LDLRAD4: variants seen among roughly 807,000 people sequenced by gnomAD.
The protein encoded by LDLRAD4 is low-density lipoprotein receptor class A domain-containing protein 4.
A neutral mutation model predicts 17.0 loss-of-function variants in LDLRAD4; 5 were observed. The observed-to-expected ratio is 0.29, with a 90% CI of 0.15 to 0.62. The LOEUF is 0.62. LDLRAD4 is among the 20% of genes least tolerant of loss of function. The pLI is 0.84. For synonymous variants in LDLRAD4, 168 were observed against 171.8 expected (o/e 0.98, Z 0.17); for missense variants, 340 against 424.7 (o/e 0.80, Z 1.75).
In LDLRAD4 at chr18:13,229,540, A is replaced by G. The variant is rs79828554; in HGVS notation, c.-467+10552A>G. 1.8e-3 allele frequency among the ~76,000 whole-genome samples: 268 copies of G among 152,248 alleles called. 7 individuals are homozygous for G. The East Asian group carries it at 0.044, about 25-fold the overall frequency. On this transcript the variant is annotated intron_variant, in intron 1 of 5. Transcript: ENST00000399848. The stretch of plus-strand genomic sequence containing the variant: ...CCCAGTTCCCGCCTTTTGGAGACAT[A>G]GAGACCAAGGAGAAGATAGAATATG...
intron 3 of LDLRAD4, among the ~76,000 whole-genome samples, chr18:13,447,759 G>C (rs961911667): frequency 6.6e-6 from 1 of 152,250 alleles, no homozygotes; most frequent in Non-Finnish European, 1.5e-5. Flanking sequence ...ATGGGAGAAG[G>C]GGGAGGGAAA....
intron 1 of LDLRAD4, among the ~76,000 whole-genome samples, chr18:13,353,124 C>T (rs2083140188): frequency 1.3e-5 from 2 of 151,990 alleles, no homozygotes; most frequent in Non-Finnish European, 1.5e-5. Flanking sequence ...GGATAGTTTC[C>T]ACTGCTTTAT....
chr18:13,263,106 A>G (rs1282163744), intron 1 of LDLRAD4, among the ~76,000 whole-genome samples: 1 of 100,840 alleles, frequency 9.9e-6, no homozygotes, highest in Non-Finnish European at 1.9e-5. Flanking sequence ...GTTTGCGTGG[A>G]AACTGAGTCC....
At chr18:13,501,550 G>A (rs1487489111) in intron 3 of LDLRAD4, among the ~76,000 whole-genome samples, 1 of 150,986 alleles carries the variant, frequency 6.6e-6, no homozygotes, top group African/African-American at 2.4e-5. Flanking sequence ...TCCCTCCTCC[G>A]GAGGTTGGCA....
chr18:13,225,119 A>G (rs1273136412), intron 1 of LDLRAD4, among the ~76,000 whole-genome samples: 2 of 152,208 alleles, frequency 1.3e-5, no homozygotes, highest in Non-Finnish European at 2.9e-5. Context: ...TACAGGTGTG[A>G]GCCACTGCGC....
chr18:13,626,000 C>CA, intron 4 of LDLRAD4, among the ~76,000 whole-genome samples: 1 of 151,776 alleles, frequency 6.6e-6, no homozygotes, highest in East Asian at 1.9e-4. Flanking sequence ...ATGCGGTAGA[C>CA]ACTGTGTGTC....
intron 1 of LDLRAD4, among the ~76,000 whole-genome samples, chr18:13,232,720 G>A (rs1567913634): frequency 2.6e-5 from 4 of 152,192 alleles, no homozygotes; most frequent in Non-Finnish European, 4.4e-5. Flanking sequence ...AGTGGAAGCC[G>A]TGTGCGCCGT....
rs1285548542 is a variant in LDLRAD4 at position 13,440,177 on chromosome 18, C to T, written c.181+1793C>T. Among the ~76,000 whole-genome samples the T allele has an allele frequency of 2.6e-5, 4 of 152,144 alleles. No homozygotes were observed. Among genetic ancestry groups the T allele is most frequent in the East Asian group, 1.9e-4 (1 of 5,186 alleles). On this transcript the variant is annotated intron_variant, in intron 3 of 5. Coordinates refer to ENST00000359446, the Ensembl canonical transcript of LDLRAD4. The surrounding 1 kb of genome is among the most constrained non-coding windows in gnomAD (Gnocchi z 4.4). ...TGGAGCCCCGGCCTCTGCTCTGGGG[C>T]GCTCCACAGGCCTCTTCTGGTCTGC...
chr18:13,480,412 G>A (rs1168087379), intron 3 of LDLRAD4, among the ~76,000 whole-genome samples: 1 of 152,180 alleles, frequency 6.6e-6, no homozygotes, highest in Non-Finnish European at 1.5e-5. Context: ...GTAGCGGGGA[G>A]GGAGGGACGA....
intron 2 of LDLRAD4, among the ~76,000 whole-genome samples, chr18:13,393,522 G>A (rs2086432870): frequency 6.6e-6 from 1 of 152,188 alleles, no homozygotes; most frequent in Non-Finnish European, 1.5e-5. Flanking sequence ...TGTCCCACCT[G>A]CGCCAATGCA....
chr18:13,236,107 G>A (rs1471457769), intron 1 of LDLRAD4, among the ~76,000 whole-genome samples: 6 of 152,124 alleles, frequency 3.9e-5, no homozygotes, highest in Non-Finnish European at 7.3e-5. Context: ...TTTTGGAAGC[G>A]CGGTGGAGTT....
chr18:13,234,740 G>A (rs1035724132), intron 1 of LDLRAD4, among the ~76,000 whole-genome samples: 6 of 152,058 alleles, frequency 3.9e-5, no homozygotes, highest in African/African-American at 1.4e-4. Flanking sequence ...CATGAGCCCC[G>A]CCCCACCCCA....
chr18:13,330,405 G>T (rs2081791730), intron 1 of LDLRAD4, among the ~76,000 whole-genome samples: 1 of 152,126 alleles, frequency 6.6e-6, no homozygotes, highest in African/African-American at 2.4e-5. Flanking sequence ...CATCTTCAGG[G>T]TGTTGAGTCT....
chr18:13,246,428 C>T (rs1242319046), intron 1 of LDLRAD4, among the ~76,000 whole-genome samples: 1 of 152,254 alleles, frequency 6.6e-6, no homozygotes, highest in African/African-American at 2.4e-5. Flanking sequence ...GTCTAAATCA[C>T]TCACAGAAAT....
intron 1 of LDLRAD4, among the ~76,000 whole-genome samples, chr18:13,263,156 CTG>C (rs72153891): frequency 0.038 from 5,307 of 141,510 alleles, 373 homozygotes; most frequent in African/African-American, 0.13. Flanking sequence ...CCGTGTGGCT[CTG>C]TGTGCGTGGG....
At chr18:13,641,436 T>C (rs1427465658) in intron 4 of LDLRAD4, among the ~76,000 whole-genome samples, 1 of 151,870 alleles carries the variant, frequency 6.6e-6, no homozygotes, top group African/African-American at 2.4e-5. Flanking sequence ...GATGAATGAA[T>C]AGAGAGAAAC....
intron 3 of LDLRAD4, among the ~76,000 whole-genome samples, chr18:13,601,735 T>C (rs2095165719): frequency 6.6e-6 from 1 of 151,768 alleles, no homozygotes; most frequent in South Asian, 2.1e-4. Context: ...GTTCAGCCAC[T>C]ATAGAATGCA....
chr18:13,546,505 A>G (rs1381494514), intron 3 of LDLRAD4, among the ~76,000 whole-genome samples: 2 of 151,856 alleles, frequency 1.3e-5, no homozygotes, highest in Non-Finnish European at 2.9e-5. Flanking sequence ...AGTACCTGGG[A>G]CTACAGGTGT....
At chr18:13,488,445 T>C (rs2093284848) in intron 3 of LDLRAD4, 1 of 70,262 alleles carries the variant, frequency 1.4e-5, no homozygotes, top group African/African-American at 5.6e-5. Flanking sequence ...GCATCAATGC[T>C]GTGAGATCTA....
Sources: allele counts gnomAD v4.1 joint callset (sites outside exome capture counted in the v4.1 genomes callset), GRCh38; gene constraint gnomAD v4.1.1; non-coding constraint Gnocchi (gnomAD v3.1); transcripts MANE v1.5; gene names NCBI Gene and HGNC (gene_info 2026-07-23, HGNC 2026-07-21).